Variants in ANKIB1 observed in about 807,000 individuals in gnomAD.
ANKIB1 encodes ankyrin repeat and IBR domain-containing protein 1.
Under a neutral mutation model 122.1 loss-of-function variants are expected in ANKIB1, and 43 were observed. The observed-to-expected ratio is 0.35, with a 90% CI of 0.28 to 0.45. The LOEUF is 0.45. Ranked by LOEUF, ANKIB1 falls within the 20% of genes least tolerant of loss-of-function variation. The pLI is 1.00. For missense variants in ANKIB1, 992 were observed against 1,329.5 expected (o/e 0.75, Z 3.95); for synonymous variants, 390 against 442.0 (o/e 0.88, Z 1.48).
chr7:92,297,554 T>G (rs966051788), intron 2 of ANKIB1, among the ~76,000 whole-genome samples: 13 of 152,210 alleles, frequency 8.5e-5, no homozygotes, highest in African/African-American at 3.1e-4. Flanking sequence ...TGCTGCTAAG[T>G]TCACTAAGTC....
At chr7:92,350,192 A>G (rs540282668) in intron 7 of ANKIB1, among the ~76,000 whole-genome samples, 5 of 152,210 alleles carry the variant, frequency 3.3e-5, no homozygotes, top group Admixed American at 2.0e-4. Flanking sequence ...CTATAAACCT[A>G]TTCTTCAAAA....
chr7:92,348,033 AT>A (rs1271265113), intron 7 of ANKIB1: 1 of 435,510 alleles, frequency 2.3e-6, no homozygotes, highest in East Asian at 7.2e-5. Context: ...TTTGCCCCAG[AT>A]TTCTCTCTTT....
chr7:92,342,445 T>A (rs925547286), intron 5 of ANKIB1, among the ~76,000 whole-genome samples: 21 of 152,090 alleles, frequency 1.4e-4, no homozygotes, highest in African/African-American at 5.1e-4. Context: ...AGGAAGATAA[T>A]TTTTTTTAGT....
At chr7:92,352,730 T>C (rs777415493) in intron 9 of ANKIB1, 88 bp downstream of exon 9, 15 of 1,304,378 alleles carry the variant, frequency 1.1e-5, no homozygotes, top group Non-Finnish European at 1.6e-5. Flanking sequence ...GGCCTTTAAA[T>C]TGTAGTATAC....
intron 2 of ANKIB1, among the ~76,000 whole-genome samples, chr7:92,297,144 A>G (rs952148988): frequency 3.9e-5 from 6 of 152,152 alleles, no homozygotes; most frequent in East Asian, 1.9e-4. Flanking sequence ...TTTATGAGGT[A>G]GTTTATTGTC....
chr7:92,314,431 C>T (rs1802751809), intron 3 of ANKIB1, among the ~76,000 whole-genome samples: 3 of 152,142 alleles, frequency 2.0e-5, no homozygotes, highest in Non-Finnish European at 1.5e-5. Flanking sequence ...TCTTAAAAGC[C>T]TTGCTACTCA....
intron 4 of ANKIB1, among the ~76,000 whole-genome samples, chr7:92,322,306 A>G (rs1802928958): frequency 6.6e-6 from 1 of 152,258 alleles, no homozygotes; most frequent in South Asian, 2.1e-4. Flanking sequence ...TTTAATATCT[A>G]AAAGGACTTA....
chr7:92,288,568 A>G (rs959719144), intron 1 of ANKIB1, among the ~76,000 whole-genome samples: 2 of 152,234 alleles, frequency 1.3e-5, no homozygotes, highest in Admixed American at 6.5e-5. Flanking sequence ...TTGGATGTCT[A>G]TATGCAAAAC....
rs183265275 is a variant in ANKIB1, at chr7:92,254,985, G to T, written c.-91+8466G>T. Among the ~76,000 whole-genome samples the T allele has an allele frequency of 2.0e-5, 3 of 152,248 alleles. No individual in the cohort carries two copies. The East Asian group carries it at 5.8e-4, about 29-fold the overall frequency. ...GTGAGTAAGTCACACAAGATCTGAT[G>T]GTTTTAAAAAGGGGAGTTTTCCTTC... On this transcript the variant is annotated intron_variant, in intron 1 of 19. Coordinates refer to ENST00000265742, the MANE Select transcript of ANKIB1 (RefSeq NM_019004.2).
intron 10 of ANKIB1, among the ~76,000 whole-genome samples, chr7:92,365,267 A>G (rs946358012): frequency 1.3e-5 from 2 of 152,178 alleles, no homozygotes; most frequent in Non-Finnish European, 2.9e-5. Context: ...AAGGACAAAG[A>G]AAGAGGAGGC....
intron 5 of ANKIB1, among the ~76,000 whole-genome samples, chr7:92,328,593 C>T (rs1203967152): frequency 6.6e-6 from 1 of 151,848 alleles, no homozygotes; most frequent in African/African-American, 2.4e-5. Flanking sequence ...TGGCTGGTTT[C>T]ATAGAAAAGT....
chr7:92,371,441 TC>T, intron 10 of ANKIB1, 35 bp from the exon 11 acceptor site: 1 of 1,574,712 alleles, frequency 6.4e-7, no homozygotes, highest in Non-Finnish European at 8.6e-7. Flanking sequence ...GTACACTAAA[TC>T]ATTTATTTTT....
intron 3 of ANKIB1, among the ~76,000 whole-genome samples, chr7:92,308,341 G>A (rs1802611245): frequency 6.6e-6 from 1 of 152,064 alleles, no homozygotes; most frequent in Non-Finnish European, 1.5e-5. Context: ...CATAGTTATA[G>A]TAGAGATATA....
At chr7:92,319,147 A>C (rs1035388271) in intron 3 of ANKIB1, among the ~76,000 whole-genome samples, 183 bp from the exon 4 acceptor site, 1 of 151,946 alleles carries the variant, frequency 6.6e-6, no homozygotes, top group African/African-American at 2.4e-5. Context: ...AAGAATTACT[A>C]ATCTTAAAAT....
At chr7:92,348,070 C>A in intron 7 of ANKIB1, 1 of 388,374 alleles carries the variant, frequency 2.6e-6, no homozygotes, top group South Asian at 1.9e-5. Flanking sequence ...ACTCCATGTT[C>A]TGCTCATAAA....
intron 9 of ANKIB1, among the ~76,000 whole-genome samples, chr7:92,353,259 T>C (rs1404320156): frequency 6.6e-6 from 1 of 152,204 alleles, no homozygotes. Context: ...AATCAATGAC[T>C]GCAGGCTCGT....
chr7:92,261,952 T>G (rs1360366344), intron 1 of ANKIB1, among the ~76,000 whole-genome samples: 1 of 152,238 alleles, frequency 6.6e-6, no homozygotes, highest in Non-Finnish European at 1.5e-5. Flanking sequence ...GGAAGCGCAG[T>G]GACTCTAATC....
chr7:92,334,017 A>G (rs1163752174), intron 5 of ANKIB1, among the ~76,000 whole-genome samples: 1 of 152,198 alleles, frequency 6.6e-6, no homozygotes, highest in Non-Finnish European at 1.5e-5. Context: ...ACATTTTTCA[A>G]CAGTTATTAT....
At chr7:92,257,158 A>C (rs552343085) in intron 1 of ANKIB1, among the ~76,000 whole-genome samples, 240 of 151,684 alleles carry the variant, frequency 1.6e-3, no homozygotes, top group African/African-American at 5.4e-3. Context: ...GCCCAACTGC[A>C]CTCCAGCCTG....
Sources: gnomAD v4.1 joint callset for allele counts (sites outside exome capture counted in the v4.1 genomes callset) on GRCh38, gnomAD v4.1.1 for gene constraint, MANE v1.5 for transcripts, NCBI Gene and HGNC (gene_info 2026-07-23, HGNC 2026-07-21) for gene names.